Variants in CPNE4 observed in about 807,000 individuals in gnomAD.
The protein encoded by CPNE4 is copine-4.
In CPNE4, 25 loss-of-function variants were observed where a neutral mutation model predicts 67.9. That is an observed-to-expected ratio of 0.37 (90% CI 0.27 to 0.51). The LOEUF (loss-of-function observed/expected upper bound fraction) is 0.51, where lower values mean the gene tolerates loss of function less well. Among genes scored for constraint, CPNE4 ranks in the 20% least tolerant of loss-of-function variants. The pLI, the probability that CPNE4 is intolerant of heterozygous loss-of-function variation, is 0.93. For synonymous variants in CPNE4, 242 were observed against 244.9 expected (o/e 0.99, Z 0.11); for missense variants, 464 against 690.8 (o/e 0.67, Z 3.68).
intron 10 of CPNE4, among the ~76,000 whole-genome samples, chr3:131,569,967 C>G (rs569582493): frequency 1.3e-5 from 2 of 151,924 alleles, no homozygotes; most frequent in South Asian, 2.1e-4. Flanking sequence ...TCTTTCCTCT[C>G]TAGGTATTTT....
chr3:131,859,013 T>C (rs926258914), intron 2 of CPNE4, among the ~76,000 whole-genome samples: 1 of 152,196 alleles, frequency 6.6e-6, no homozygotes, highest in Non-Finnish European at 1.5e-5. Flanking sequence ...AGAATCACTG[T>C]CTAACGAAGC....
intron 1 of CPNE4, among the ~76,000 whole-genome samples, chr3:131,998,212 C>T: frequency 6.6e-6 from 1 of 152,006 alleles, no homozygotes; most frequent in East Asian, 1.9e-4. Flanking sequence ...CTCAAAGATC[C>T]CCTGATGATG....
intron 1 of CPNE4, among the ~76,000 whole-genome samples, chr3:131,976,039 A>G (rs1013743237): frequency 5.3e-5 from 8 of 151,384 alleles, no homozygotes; most frequent in Non-Finnish European, 8.8e-5. Flanking sequence ...AAAAAAAACT[A>G]TAGGACTTTT....
chr3:131,857,948 C>T (rs2086516290), intron 2 of CPNE4, among the ~76,000 whole-genome samples: 2 of 152,038 alleles, frequency 1.3e-5, no homozygotes, highest in African/African-American at 2.4e-5. Context: ...AATATTACCA[C>T]ACAGGTGCTG....
At chr3:131,700,416 G>A (rs2081269223) in intron 3 of CPNE4, among the ~76,000 whole-genome samples, 1 of 152,080 alleles carries the variant, frequency 6.6e-6, no homozygotes, top group South Asian at 2.1e-4. Context: ...AACTTCTAGA[G>A]TTCTATTTTT....
chr3:132,020,268 G>A (rs760958478), intron 1 of CPNE4, among the ~76,000 whole-genome samples: 7 of 152,200 alleles, frequency 4.6e-5, no homozygotes, highest in South Asian at 2.1e-4. Context: ...GGGCTGCTCC[G>A]TCTGAATCCC....
intron 1 of CPNE4, among the ~76,000 whole-genome samples, chr3:131,926,393 AAAT>A (rs1482535031): frequency 6.6e-6 from 1 of 152,202 alleles, no homozygotes; most frequent in Non-Finnish European, 1.5e-5. Flanking sequence ...TTAAGATGAA[AAAT>A]AATAATCCTT....
chr3:131,777,378 G>GTTTTGTT (rs1560289421), intron 2 of CPNE4, among the ~76,000 whole-genome samples: 3 of 142,620 alleles, frequency 2.1e-5, no homozygotes, highest in Non-Finnish European at 1.5e-5. Context: ...GCATTTCAAG[G>GTTTTGTT]TTTTTTTTTT....
intron 2 of CPNE4, among the ~76,000 whole-genome samples, chr3:131,791,554 A>AT (rs1294856853): frequency 6.6e-6 from 1 of 152,132 alleles, no homozygotes; most frequent in African/African-American, 2.4e-5. Flanking sequence ...GTTTACTGTC[A>AT]TTATAGACAG....
At chr3:131,663,613 C>A (rs2080183652) in intron 7 of CPNE4, among the ~76,000 whole-genome samples, 1 of 152,166 alleles carries the variant, frequency 6.6e-6, no homozygotes, top group South Asian at 2.1e-4. Flanking sequence ...TCCAGGACCA[C>A]TGAGTGTGGG....
At chr3:131,655,353 A>G (rs1365191101) in intron 7 of CPNE4, among the ~76,000 whole-genome samples, 1 of 152,214 alleles carries the variant, frequency 6.6e-6, no homozygotes, top group Non-Finnish European at 1.5e-5. Context: ...TCTAGATCAT[A>G]TGCTGACCTT....
At chr3:132,019,942 T>C (rs938083435) in intron 1 of CPNE4, among the ~76,000 whole-genome samples, 7 of 152,186 alleles carry the variant, frequency 4.6e-5, no homozygotes, top group African/African-American at 1.7e-4. Flanking sequence ...CCATTTAAAC[T>C]TGTGACGCTC....
At chr3:131,839,856 C>T (rs2085704800) in intron 2 of CPNE4, among the ~76,000 whole-genome samples, 1 of 152,148 alleles carries the variant, frequency 6.6e-6, no homozygotes, top group Non-Finnish European at 1.5e-5. Context: ...TCAATTCTAT[C>T]ACCTGTTAAA....
chr3:131,605,601 A>G (rs1939453799), intron 7 of CPNE4, among the ~76,000 whole-genome samples: 1 of 152,156 alleles, frequency 6.6e-6, no homozygotes, highest in African/African-American at 2.4e-5. Context: ...ACATGATCAG[A>G]GTAGCAATTT....
chr3:131,986,843 CA>C (rs373656375), intron 1 of CPNE4, among the ~76,000 whole-genome samples: 2 of 92,134 alleles, frequency 2.2e-5, no homozygotes, highest in African/African-American at 8.7e-5. Context: ...AAAAAAAAAA[CA>C]AAAAAAAACA....
intron 3 of CPNE4, among the ~76,000 whole-genome samples, chr3:131,713,020 C>G (rs2081596453): frequency 6.6e-6 from 1 of 152,116 alleles, no homozygotes; most frequent in Non-Finnish European, 1.5e-5. Context: ...AAGTGGCTCC[C>G]TGGATGAGTA....
At chr3:131,564,084 G>A in intron 11 of CPNE4, 132 bp downstream of exon 11, 1 of 1,039,500 alleles carries the variant, frequency 9.6e-7, no homozygotes, top group Non-Finnish European at 1.5e-6. Context: ...TAGTACAGAG[G>A]GAATGAAACT....
At chr3:131,652,203 G>T (rs904534113) in intron 7 of CPNE4, among the ~76,000 whole-genome samples, 2 of 152,224 alleles carry the variant, frequency 1.3e-5, no homozygotes, top group Admixed American at 1.3e-4. Flanking sequence ...GAGCAAGGTA[G>T]TATATGATAA....
chr3:131,582,460 T>A (rs940131361), intron 8 of CPNE4, among the ~76,000 whole-genome samples: 1 of 152,202 alleles, frequency 6.6e-6, no homozygotes, highest in Non-Finnish European at 1.5e-5. Flanking sequence ...GCTGAATCTC[T>A]GGATTTCTAC....
Sources: gnomAD v4.1 joint callset for allele counts (sites outside exome capture counted in the v4.1 genomes callset) on GRCh38, gnomAD v4.1.1 for gene constraint, MANE v1.5 for transcripts, NCBI Gene and HGNC (gene_info 2026-07-23, HGNC 2026-07-21) for gene names.